Variants in VPS50 observed in about 807,000 individuals in gnomAD.
VPS50 encodes the protein VPS50 subunit of EARP/GARPII complex.
VPS50 carries 70 observed loss-of-function variants against 139.7 expected under a neutral mutation model. That is an observed-to-expected ratio of 0.50 (90% CI 0.41 to 0.61). The LOEUF is 0.61. VPS50 is among the 20% of genes least tolerant of loss of function. The probability of loss-of-function intolerance (pLI) is 0.00; values close to 1 mark genes in which losing one functional copy is unlikely to be tolerated. For synonymous variants in VPS50, 365 were observed against 376.7 expected, an observed-to-expected ratio of 0.97 and a Z score of 0.36; for missense variants, 921 against 1,133.7, an observed-to-expected ratio of 0.81 and a Z score of 2.69.
chr7:93,351,363 C>CTT (rs559578639), intron 25 of VPS50, among the ~76,000 whole-genome samples: 1 of 148,546 alleles, frequency 6.7e-6, no homozygotes, highest in Non-Finnish European at 1.5e-5. Flanking sequence ...GATACCCCTT[C>CTT]TTTTTTTTTT....
At chr7:93,339,192 C>T (rs138647464) in intron 22 of VPS50, among the ~76,000 whole-genome samples, 10 of 149,732 alleles carry the variant, frequency 6.7e-5, no homozygotes, top group South Asian at 4.2e-4. Context: ...GATGGAGATA[C>T]GACATTAATT....
At chr7:93,290,821 G>A (rs1237853065) in intron 12 of VPS50, among the ~76,000 whole-genome samples, 1 of 151,914 alleles carries the variant, frequency 6.6e-6, no homozygotes, top group Non-Finnish European at 1.5e-5. Flanking sequence ...AAAGCCTTTT[G>A]AAAGAGCAAG....
At chr7:93,323,222 A>T (rs1382030089) in intron 20 of VPS50, 1 of 152,166 alleles carries the variant, frequency 6.6e-6, no homozygotes, top group African/African-American at 2.4e-5. Context: ...ACACATTTTC[A>T]AAGAAATTAT....
chr7:93,265,801 A>G (rs1382421080), intron 9 of VPS50, among the ~76,000 whole-genome samples: 1 of 152,138 alleles, frequency 6.6e-6, no homozygotes, highest in Non-Finnish European at 1.5e-5. Flanking sequence ...TCCTGACCTC[A>G]GATGATCCAC....
chr7:93,253,176 A>G lies in VPS50; in HGVS notation c.225+401A>G, dbSNP rs139769035. On this transcript the variant is annotated intron_variant, in intron 3 of 27. Coordinates refer to ENST00000305866, the MANE Select transcript of VPS50 (RefSeq NM_017667.4). ...TATAATACTGACATTTTAAATTTATAAGAACTTTAACGAAAGTCAGAATAG... is the reference window on the plus strand; with the variant it reads ...TATAATACTGACATTTTAAATTTATGAGAACTTTAACGAAAGTCAGAATAG... 7.4e-4 allele frequency among the ~76,000 whole-genome samples: 113 copies of G among 152,352 alleles called. 3 individuals are homozygous for G. In the East Asian group the frequency reaches 0.022, roughly 29 times the overall value.
intron 20 of VPS50, among the ~76,000 whole-genome samples, chr7:93,314,439 C>T (rs1049271073): frequency 2.0e-5 from 3 of 152,060 alleles, no homozygotes; most frequent in African/African-American, 7.2e-5. Flanking sequence ...AGAACAGTTG[C>T]TTGTATTATA....
rs752485841 is a variant in VPS50, at chr7:93,272,675, T to G, written c.743T>G (p.Phe248Cys). Residue 248 changes from phenylalanine to cysteine, a missense_variant, in exon 11 of 28, where the codon TTT becomes TGT. Physicochemically the swap from Phe to Cys is radical, Grantham distance 205 (BLOSUM62 -2). This residue lies in a region of VPS50 where 744 missense variants were observed against 930.6 expected (regional missense o/e 0.80). Coordinates refer to ENST00000305866, the MANE Select transcript of VPS50 (RefSeq NM_017667.4). ...DVALSKICKN[F>C]DINHYTKVQQ... Reference sequence around the variant, plus strand: ...GCTCTTTCCAAAATCTGCAAGAATTTTGACATTAACCATTATACCAAGGTT... The same window carrying G: ...GCTCTTTCCAAAATCTGCAAGAATTGTGACATTAACCATTATACCAAGGTT... The G allele has an allele frequency of 3.8e-6, 6 of 1,580,664 alleles. No homozygotes were observed. The African/African-American group carries it at 8.2e-5, about 22-fold the overall frequency.
intron 20 of VPS50, among the ~76,000 whole-genome samples, chr7:93,314,693 A>G (rs909837694): frequency 6.6e-6 from 1 of 152,186 alleles, no homozygotes; most frequent in Non-Finnish European, 1.5e-5. Flanking sequence ...CTAGCACCCT[A>G]GCACATGCAT....
chr7:93,323,794 GT>G (rs1797688297), intron 21 of VPS50, 62 bp downstream of exon 21: 1 of 876,506 alleles, frequency 1.1e-6, no homozygotes. Context: ...AAATGTCAAA[GT>G]TTTTCATTCT....
chr7:93,259,415 A>G, intron 8 of VPS50, 135 bp from the exon 9 acceptor site: 1 of 517,014 alleles, frequency 1.9e-6, no homozygotes, highest in Admixed American at 3.5e-5. Flanking sequence ...CTTATCTATC[A>G]TTGATATTCT....
chr7:93,342,706 C>T (rs902070401), intron 23 of VPS50, among the ~76,000 whole-genome samples: 2 of 152,168 alleles, frequency 1.3e-5, no homozygotes, highest in East Asian at 1.9e-4. Flanking sequence ...TGGGAGGCAC[C>T]CCCCAGCAGG....
chr7:93,288,913 C>T (rs991620430), intron 12 of VPS50, among the ~76,000 whole-genome samples: 2 of 152,202 alleles, frequency 1.3e-5, no homozygotes, highest in African/African-American at 2.4e-5. Context: ...TAGTCTCCTA[C>T]CCTCTCACAG....
chr7:93,236,779 G>A (rs985071760), intron 1 of VPS50, among the ~76,000 whole-genome samples: 8 of 151,992 alleles, frequency 5.3e-5, no homozygotes, highest in Non-Finnish European at 1.2e-4. Context: ...TGTCAGATGT[G>A]CTTTGAGACA....
At chr7:93,356,660 T>C (rs894635454) in intron 27 of VPS50, among the ~76,000 whole-genome samples, 2 of 152,194 alleles carry the variant, frequency 1.3e-5, no homozygotes, top group African/African-American at 4.8e-5. Flanking sequence ...AAAAATACTA[T>C]TGTTACGTAG....
chr7:93,323,272 T>C (rs1319009763), intron 20 of VPS50: 1 of 152,466 alleles, frequency 6.6e-6, no homozygotes, highest in Non-Finnish European at 1.5e-5. Context: ...CAATGTTGTT[T>C]GTTTGTACAG....
intron 21 of VPS50, among the ~76,000 whole-genome samples, chr7:93,329,718 A>G (rs987239035): frequency 5.3e-5 from 8 of 152,180 alleles, no homozygotes; most frequent in Non-Finnish European, 1.0e-4. Context: ...TTAAAAAGCT[A>G]TGGGGATGAG....
intron 21 of VPS50, among the ~76,000 whole-genome samples, chr7:93,333,553 C>G (rs980055690): frequency 6.6e-6 from 1 of 152,070 alleles, no homozygotes; most frequent in African/African-American, 2.4e-5. Context: ...CTTATTCTTA[C>G]CCTTCTCATT....
intron 20 of VPS50, among the ~76,000 whole-genome samples, chr7:93,319,468 C>CT (rs368396755): frequency 1.3e-4 from 19 of 149,940 alleles, no homozygotes; most frequent in African/African-American, 2.9e-4. Flanking sequence ...CTGAAAATGT[C>CT]TTTTTTTTTT....
At chr7:93,239,997 A>G (rs758994247) in intron 2 of VPS50, 63 bp downstream of exon 2, 26 of 929,666 alleles carry the variant, frequency 2.8e-5, no homozygotes, top group Non-Finnish European at 4.4e-5. Flanking sequence ...TTGCCTCTGG[A>G]TAGTAATTGA....
Sources: allele counts gnomAD v4.1 joint callset (sites outside exome capture counted in the v4.1 genomes callset), GRCh38; gene constraint gnomAD v4.1.1; regional missense constraint gnomAD v4.1.1; transcripts MANE v1.5; gene names NCBI Gene and HGNC (gene_info 2026-07-23, HGNC 2026-07-21).